The following AP2M1 variants were observed in gnomAD, a reference collection of about 807,000 sequenced individuals.
The protein encoded by AP2M1 is AP-2 complex subunit mu.
In AP2M1, 5 loss-of-function variants were observed where a neutral mutation model predicts 54.5. That is an observed-to-expected ratio of 0.09 (90% CI 0.05 to 0.19). The LOEUF (loss-of-function observed/expected upper bound fraction) is 0.19. Ranked by LOEUF, AP2M1 falls within the 10% of genes least tolerant of loss-of-function variation. The pLI, the probability that AP2M1 is intolerant of heterozygous loss-of-function variation, is 1.00. For missense variants in AP2M1, 178 were observed against 580.2 expected (o/e 0.31, Z 7.12); for synonymous variants, 186 against 208.2 (o/e 0.89, Z 0.92).
chr3:184,178,983 A>G lies in AP2M1; in HGVS notation c.201A>G (p.Ala67=), dbSNP rs1482880083. ...HVKRSNIWLA[A]VTKQNVNAAM... ...AGCGGTCCAACATTTGGCTGGCAGC[A>G]GTCACCAAGCAGAATGTCAACGCTG... is the stretch of plus-strand genomic sequence containing the variant. Residue 67 remains alanine, a synonymous_variant, in exon 3 of 12, where the codon GCA becomes GCG. Coordinates refer to ENST00000292807, the MANE Select transcript of AP2M1 (RefSeq NM_004068.4). This position sits in a 1 kb window ranked among gnomAD's most constrained non-coding sequence, Gnocchi z 4.9. 6.2e-7 allele frequency: 1 copy of G among 1,614,098 alleles called. No individual in the cohort carries two copies. The highest frequency in any genetic ancestry group is 8.5e-7 in the Non-Finnish European group (1 of 1,180,046).
At chr3:184,176,890 C>T (rs1715090575) in intron 1 of AP2M1, 61 bp from the exon 2 acceptor site, 3 of 1,236,136 alleles carry the variant, frequency 2.4e-6, no homozygotes, top group Non-Finnish European at 3.4e-6. Context: ...CTGCACAGCT[C>T]CACAGGGGAT....
At chr3:184,177,114 C>G in intron 2 of AP2M1, 47 bp downstream of exon 2, 1 of 1,571,708 alleles carries the variant, frequency 6.4e-7, no homozygotes, top group East Asian at 2.2e-5. Context: ...TCCAGCCCCC[C>G]AGCCCCAGCA....
chr3:184,182,946 C>T lies in AP2M1; in HGVS notation c.1173+78C>T. 8.3e-7 allele frequency: 1 copy of T among 1,210,940 alleles called. No homozygotes were observed. The highest frequency in any genetic ancestry group is 1.2e-6 in the Non-Finnish European group (1 of 829,028). The allele number at this position is 1,210,940 out of a possible 1,614,324, so 75.0% of individuals were successfully genotyped here. A position where few individuals can be genotyped will look rare whatever the true frequency, so the allele number is the denominator to read the frequency against. ...TAGAGATCATTCCGATAAACTGCTGCACCTTAGAGGTGAGGAAACTGAGGC... is the reference window on the plus strand; with the variant it reads ...TAGAGATCATTCCGATAAACTGCTGTACCTTAGAGGTGAGGAAACTGAGGC... On this transcript the variant is annotated intron_variant, in intron 11 of 11. Transcript: ENST00000292807. This position sits in a 1 kb window ranked among gnomAD's most constrained non-coding sequence, Gnocchi z 5.5.
At position 184,183,601 on chromosome 3, in the gene AP2M1, T is replaced by C. The variant is rs13262; in HGVS notation, c.1293T>C (p.Tyr431=). The C allele has an allele frequency of 4.4e-3, 7,148 of 1,613,594 alleles. 265 individuals carry two copies. In the African/African-American group the frequency reaches 0.082, roughly 19 times the overall value. Residue 431 remains tyrosine, a synonymous_variant, in exon 12 of 12, where the codon TAT becomes TAC. Transcript: ENST00000292807. This position sits in a 1 kb window ranked among gnomAD's most constrained non-coding sequence, Gnocchi z 5.7. The stretch of plus-strand genomic sequence containing the variant: ...GCTACATTGGCCGCAGTGGCATTTA[T>C]GAAACTCGCTGCTAGCTGCCACTAG... ...WVRYIGRSGI[Y]ETRC
At position 184,181,565 on chromosome 3, in the gene AP2M1, C is replaced by A; in HGVS notation, c.708-131C>A. On this transcript the variant is annotated intron_variant, in intron 7 of 11. Coordinates refer to ENST00000292807, the MANE Select transcript of AP2M1 (RefSeq NM_004068.4). The surrounding 1 kb of genome is among the most constrained non-coding windows in gnomAD (Gnocchi z 5.7). ...CTCTCATCCCAAGCTCTGGGGCAGA[C>A]CTCCGAGTCACAAAGCTGCATTCTA... is the stretch of plus-strand genomic sequence containing the variant. 7.7e-7 allele frequency: 1 copy of A among 1,295,144 alleles called. No individual in the cohort carries two copies. Among genetic ancestry groups the A allele is most frequent in the Non-Finnish European group, 1.1e-6 (1 of 931,366 alleles). 80.2% of individuals were successfully genotyped at this position (1,295,144 alleles called of 1,614,324 possible).
At chr3:184,177,602 G>A in intron 2 of AP2M1, 2 of 1,536,002 alleles carry the variant, frequency 1.3e-6, no homozygotes, top group Non-Finnish European at 1.7e-6. Flanking sequence ...CCTGGGGAGT[G>A]GCTGGAAGCG....
chr3:184,182,798 C>T lies in AP2M1; in HGVS notation c.1103C>T (p.Ala368Val). 6.2e-7 allele frequency: 1 copy of T among 1,614,156 alleles called. No homozygotes were observed. Among genetic ancestry groups the T allele is most frequent in the African/African-American group, 1.3e-5 (1 of 75,050 alleles). ...MAGMKESQIS[A>V]EIELLPTNDK... Reference sequence around the variant, plus strand: ...GGCATGAAGGAATCGCAGATCAGCGCAGAGATTGAGCTTCTGCCTACCAAC... The same window carrying T: ...GGCATGAAGGAATCGCAGATCAGCGTAGAGATTGAGCTTCTGCCTACCAAC... The change falls in exon 11 of 12, where the codon GCA (alanine) becomes GTA (valine). Residue 368 changes from alanine to valine, a missense_variant. Physicochemically the swap from Ala to Val is moderately conservative, Grantham distance 64 (BLOSUM62 0). Transcript: ENST00000292807. This position sits in a 1 kb window ranked among gnomAD's most constrained non-coding sequence, Gnocchi z 5.5.
At chr3:184,176,610 G>C (rs1032391006) in intron 1 of AP2M1, among the ~76,000 whole-genome samples, 1 of 152,030 alleles carries the variant, frequency 6.6e-6, no homozygotes, top group Non-Finnish European at 1.5e-5. Context: ...AGTCACTGGC[G>C]GGAGCCCGAG....
intron 3 of AP2M1, 192 bp from the exon 4 acceptor site, chr3:184,179,977 A>G: frequency 1.6e-6 from 1 of 627,910 alleles, no homozygotes; most frequent in East Asian, 2.8e-5. Context: ...TCTCTATTTG[A>G]AAAAAATCAA....
At chr3:184,179,991 TTTGAA>T (rs1374288226) in intron 3 of AP2M1, 173 bp from the exon 4 acceptor site, 8 of 642,556 alleles carry the variant, frequency 1.2e-5, no homozygotes, top group Admixed American at 8.9e-5. Flanking sequence ...AAATCAAACA[TTTGAA>T]TTGTTTTCCT....
At position 184,183,312 on chromosome 3, in the gene AP2M1, TTTC is replaced by T; in HGVS notation, c.1174-164_1174-162del. 2 of 931,252 alleles carry T rather than the reference TTTC, an allele frequency of 2.1e-6. No homozygotes were observed. Among genetic ancestry groups the T allele is most frequent in the Non-Finnish European group, 1.6e-6 (1 of 620,678 alleles). 57.7% of individuals were successfully genotyped at this position (931,252 alleles called of 1,614,324 possible). A position where few individuals can be genotyped will look rare whatever the true frequency, so the allele number is the denominator to read the frequency against. ...TGATTCAAGGTGTCACAGGTAGGGC[TTTC>T]TTCTTTAGTCACCTCTTAGAAGGTC... On this transcript the variant is annotated intron_variant, in intron 11 of 11. Transcript: ENST00000292807. The surrounding 1 kb of genome is among the most constrained non-coding windows in gnomAD (Gnocchi z 5.7).
rs755273651 is a variant in AP2M1, at chr3:184,180,990, G to T, written c.565+6G>T. Reference sequence around the variant, plus strand: ...CCTGCTCATGTCCCCACAAGGTGAGGTCCCTCTCACGACAAAGTTGGAGGG... The same window carrying T: ...CCTGCTCATGTCCCCACAAGGTGAGTTCCCTCTCACGACAAAGTTGGAGGG... On this transcript the variant is annotated splice_donor_region_variant and intron_variant, in intron 6 of 11. Coordinates refer to ENST00000292807, the MANE Select transcript of AP2M1 (RefSeq NM_004068.4). This position sits in a 1 kb window ranked among gnomAD's most constrained non-coding sequence, Gnocchi z 4.9. The T allele has an allele frequency of 1.2e-6, 2 of 1,614,110 alleles. No individual in the cohort carries two copies. Among genetic ancestry groups the T allele is most frequent in the Admixed American group, 1.7e-5 (1 of 60,024 alleles).
chr3:184,176,925 T>C, intron 1 of AP2M1, 26 bp from the exon 2 acceptor site: 1 of 1,538,576 alleles, frequency 6.5e-7, no homozygotes, highest in Non-Finnish European at 8.9e-7. Flanking sequence ...TGAGGTCTTC[T>C]TTTACCCTGC....
intron 1 of AP2M1, 62 bp downstream of exon 1, chr3:184,175,021 C>G (rs1715014926): frequency 2.5e-6 from 1 of 398,230 alleles, no homozygotes; most frequent in Admixed American, 4.4e-5. Context: ...TGCCTCGCCG[C>G]GCAGCTTTGT....
At chr3:184,177,751 GTTC>G (rs1323857868) in intron 2 of AP2M1, 2 of 811,082 alleles carry the variant, frequency 2.5e-6, no homozygotes, top group Non-Finnish European at 3.8e-6. Context: ...GCACGCCCTT[GTTC>G]TTTGCGACTG....
In AP2M1 at chr3:184,183,050, T is replaced by C; in HGVS notation, c.1173+182T>C. 2 of 666,396 alleles carry C rather than the reference T, an allele frequency of 3.0e-6. No individual in the cohort carries two copies. The highest frequency in any genetic ancestry group is 3.2e-5 in the South Asian group (2 of 61,800). 41.3% of individuals were successfully genotyped at this position (666,396 alleles called of 1,614,324 possible). The stretch of plus-strand genomic sequence containing the variant: ...TCTTAGTAGAAATTACTATTTGTGA[T>C]GAGGCAAATCTTTTACTTCTCTCGG... On this transcript the variant is annotated intron_variant, in intron 11 of 11. Coordinates refer to ENST00000292807, the MANE Select transcript of AP2M1 (RefSeq NM_004068.4). The surrounding 1 kb of genome is among the most constrained non-coding windows in gnomAD (Gnocchi z 5.7).
chr3:184,183,984 A>G lies in AP2M1; in HGVS notation c.*368A>G. On this transcript the variant is annotated 3_prime_UTR_variant, in exon 12 of 12. Transcript: ENST00000292807. This position sits in a 1 kb window ranked among gnomAD's most constrained non-coding sequence, Gnocchi z 5.7. Reference sequence around the variant, plus strand: ...CCTCAGAGCTCCCCCAAAGGCCAGTAATGGATCCCCGGCCTCAGTCCCTAC... The same window carrying G: ...CCTCAGAGCTCCCCCAAAGGCCAGTGATGGATCCCCGGCCTCAGTCCCTAC... 1 of 232,916 alleles carries G rather than the reference A, an allele frequency of 4.3e-6. No homozygotes were observed. The highest frequency in any genetic ancestry group is 1.7e-3 in the Middle Eastern group (1 of 602). The allele number at this position is 232,916 out of a possible 1,614,324, so 14.4% of individuals were successfully genotyped here. A position where few individuals can be genotyped will look rare whatever the true frequency, so the allele number is the denominator to read the frequency against.
In AP2M1 at chr3:184,178,929, C is replaced by T; in HGVS notation, c.147C>T (p.Asn49=). 2 of 1,614,194 alleles carry T rather than the reference C, an allele frequency of 1.2e-6. No individual in the cohort carries two copies. Among genetic ancestry groups the T allele is most frequent in the Non-Finnish European group, 1.7e-6 (2 of 1,180,040 alleles). The part of the protein sequence containing the change: ...ARQQVRSPVT[N]IARTSFFHVK... ...AGCAGGTGCGCAGCCCCGTCACCAA[C>T]ATTGCTCGCACCAGCTTCTTCCACG... The change falls in exon 3 of 12, where the codon AAC becomes AAT. Residue 49 remains asparagine, a synonymous_variant. Coordinates refer to ENST00000292807, the MANE Select transcript of AP2M1 (RefSeq NM_004068.4). The surrounding 1 kb of genome is among the most constrained non-coding windows in gnomAD (Gnocchi z 4.9).
At chr3:184,176,591 G>A (rs554573756) in intron 1 of AP2M1, among the ~76,000 whole-genome samples, 1 of 152,074 alleles carries the variant, frequency 6.6e-6, no homozygotes, top group African/African-American at 2.4e-5. Context: ...AGGCAGGCAA[G>A]CCTTAGTGAG....
Sources: gnomAD v4.1 joint callset for allele counts (sites outside exome capture counted in the v4.1 genomes callset) on GRCh38, gnomAD v4.1.1 for gene constraint, Gnocchi (gnomAD v3.1) non-coding constraint, MANE v1.5 for transcripts, NCBI Gene and HGNC (gene_info 2026-07-23, HGNC 2026-07-21) for gene names.